Variants in TVP23A observed in about 807,000 individuals in gnomAD.
TVP23A encodes the protein Golgi apparatus membrane protein TVP23 homolog A.
A neutral mutation model predicts 31.7 loss-of-function variants in TVP23A; 21 were observed. That is an observed-to-expected ratio of 0.66 (90% CI 0.47 to 0.95). The LOEUF (loss-of-function observed/expected upper bound fraction) is 0.95. TVP23A is among the 40% of genes least tolerant of loss of function. The pLI is 0.00. For missense variants in TVP23A, 279 were observed against 255.6 expected, an observed-to-expected ratio of 1.09 and a Z score of -0.62; for synonymous variants, 104 against 96.0, an observed-to-expected ratio of 1.08 and a Z score of -0.49.
rs1032764469 is a variant in TVP23A at position 10,768,915 on chromosome 16, G to T, written c.*187C>A. 1.2e-5 allele frequency: 9 copies of T among 747,320 alleles called. No homozygotes were observed. The highest frequency in any genetic ancestry group is 7.1e-5 in the African/African-American group (4 of 56,526). 46.3% of individuals were successfully genotyped at this position (747,320 alleles called of 1,614,324 possible). ...ACTTTCAAAGACTCAGGGCATCACA[G>T]ACACAGGTCTTTTTATGGAACTAGC... On this transcript the variant is annotated 3_prime_UTR_variant, in exon 8 of 8. Coordinates refer to ENST00000299866, the MANE Select transcript of TVP23A (RefSeq NM_001079512.4). The surrounding 1 kb of genome is among the most constrained non-coding windows in gnomAD (Gnocchi z 4.3).
At chr16:10,813,882 C>G (rs575292427) in intron 2 of TVP23A, among the ~76,000 whole-genome samples, 9 of 151,812 alleles carry the variant, frequency 5.9e-5, no homozygotes, top group African/African-American at 1.9e-4. Flanking sequence ...ACCTGTAATC[C>G]CAGCTACTCA....
intron 2 of TVP23A, among the ~76,000 whole-genome samples, chr16:10,789,924 G>A (rs527860233): frequency 1.5e-3 from 222 of 152,176 alleles, no homozygotes; most frequent in African/African-American, 4.9e-3. Context: ...TGGTTGGTAG[G>A]GACCTTCTAG....
downstream of TVP23A, chr16:10,766,266 G>C (rs1696414925): frequency 6.6e-6 from 1 of 152,498 alleles, no homozygotes; most frequent in Non-Finnish European, 1.5e-5. The surrounding 1 kb of genome is among the most constrained non-coding windows in gnomAD (Gnocchi z 4.8). Context: ...GTAAAATGCA[G>C]GTGACAGTGG....
rs561643087 is a variant in TVP23A at position 10,789,877 on chromosome 16, A to G, written c.90-14781T>C. Among the ~76,000 whole-genome samples the G allele has an allele frequency of 9.9e-4, 150 of 151,904 alleles. 1 individual carries two copies. Among genetic ancestry groups the G allele is most frequent in the African/African-American group, 3.4e-3 (139 of 41,420 alleles). On this transcript the variant is annotated intron_variant, in intron 2 of 7. Coordinates refer to ENST00000299866, the MANE Select transcript of TVP23A (RefSeq NM_001079512.4). ...AATGTTACATTTGTTTGTTTCAGAA[A>G]GGCGGGACAACTCAAAGAGGGGCAG... is the stretch of plus-strand genomic sequence containing the variant.
intron 2 of TVP23A, among the ~76,000 whole-genome samples, chr16:10,807,894 T>G (rs1382852508): frequency 6.6e-6 from 1 of 152,166 alleles, no homozygotes; most frequent in Non-Finnish European, 1.5e-5. Flanking sequence ...TTTTTTCTTT[T>G]TAGAGGTGGG....
intron 6 of TVP23A, among the ~76,000 whole-genome samples, chr16:10,770,730 GC>G (rs2031534383): frequency 6.6e-6 from 1 of 151,698 alleles, no homozygotes; most frequent in Non-Finnish European, 1.5e-5. Flanking sequence ...AATTAGCCAG[GC>G]ATGGTGTTAT....
At position 10,767,168 on chromosome 16, in the gene TVP23A, AG is replaced by A. The variant is rs2031007329; in HGVS notation, c.*1933del. 2 of 399,452 alleles carry A rather than the reference AG, an allele frequency of 5.0e-6. No homozygotes were observed. The highest frequency in any genetic ancestry group is 8.8e-6 in the Non-Finnish European group (2 of 226,754). The allele number at this position is 399,452 out of a possible 1,614,324, so 24.7% of individuals were successfully genotyped here. ...AGCAGCTCAGGCCTGGGGAGTGGGC[AG>A]AGCAAGCTGATGGCAGGTCCACCCA... On this transcript the variant is annotated 3_prime_UTR_variant, in exon 8 of 8. Transcript: ENST00000299866. This position sits in a 1 kb window ranked among gnomAD's most constrained non-coding sequence, Gnocchi z 4.6.
At chr16:10,798,150 C>CA (rs1555484853) in intron 2 of TVP23A, among the ~76,000 whole-genome samples, 1 of 151,228 alleles carries the variant, frequency 6.6e-6, no homozygotes, top group Non-Finnish European at 1.5e-5. Context: ...TTAGTAGAGA[C>CA]GGGTTTCACC....
intron 2 of TVP23A, among the ~76,000 whole-genome samples, chr16:10,788,146 G>A (rs981123731): frequency 3.3e-5 from 5 of 152,154 alleles, no homozygotes; most frequent in African/African-American, 1.2e-4. Context: ...ACTCAAACAG[G>A]GAGGGCGCTT....
chr16:10,771,375 T>C (rs1383068122), intron 6 of TVP23A, among the ~76,000 whole-genome samples: 2 of 150,342 alleles, frequency 1.3e-5, no homozygotes, highest in South Asian at 2.1e-4. Flanking sequence ...ACTTCGTCTC[T>C]ACAAAAAAAA....
chr16:10,814,924 T>C (rs1481326069), intron 2 of TVP23A, among the ~76,000 whole-genome samples: 1 of 152,142 alleles, frequency 6.6e-6, no homozygotes, highest in Admixed American at 6.5e-5. Flanking sequence ...CACCTGGGTC[T>C]TGAGCCACAT....
intron 6 of TVP23A, among the ~76,000 whole-genome samples, chr16:10,771,172 T>A (rs1021698226): frequency 6.6e-6 from 1 of 152,158 alleles, no homozygotes; most frequent in Non-Finnish European, 1.5e-5. Context: ...ATAAAGTGGT[T>A]ATACTTAATG....
At chr16:10,809,966 A>G (rs1426268350) in intron 2 of TVP23A, among the ~76,000 whole-genome samples, 1 of 152,218 alleles carries the variant, frequency 6.6e-6, no homozygotes, top group Non-Finnish European at 1.5e-5. Flanking sequence ...TAACAACACA[A>G]AAGCAGAAAC....
In TVP23A at chr16:10,784,896, T is replaced by C. The variant is rs1247649462; in HGVS notation, c.90-9800A>G. ...CAAGTGGATCACCTGAGGTCAGGAA[T>C]TCAAGACCAGCCTGACCAACATGGT... On this transcript the variant is annotated intron_variant, in intron 2 of 7. Coordinates refer to ENST00000299866, the MANE Select transcript of TVP23A (RefSeq NM_001079512.4). 6.3e-5 allele frequency among the ~76,000 whole-genome samples: 9 copies of C among 142,018 alleles called. No homozygotes were observed. The East Asian group carries it at 6.5e-4, about 10-fold the overall frequency. 93.2% of individuals were successfully genotyped at this position (142,018 alleles called of 152,430 possible).
chr16:10,759,683 G>A (rs1900806894), downstream of TVP23A, among the ~76,000 whole-genome samples: 1 of 152,192 alleles, frequency 6.6e-6, no homozygotes, highest in Admixed American at 6.5e-5. The surrounding 1 kb of genome is among the most constrained non-coding windows in gnomAD (Gnocchi z 4.7). Context: ...GGCTGAGGTG[G>A]GAGAAGTGCT....
At chr16:10,802,952 G>T (rs1402713122) in intron 2 of TVP23A, among the ~76,000 whole-genome samples, 1 of 152,142 alleles carries the variant, frequency 6.6e-6, no homozygotes, top group Non-Finnish European at 1.5e-5. Flanking sequence ...GTTTTTAATT[G>T]ATTTTCAACA....
chr16:10,802,241 CGTGTGTGT>C (rs61036988), intron 2 of TVP23A, among the ~76,000 whole-genome samples: 2,532 of 130,386 alleles, frequency 0.019, 41 homozygotes, highest in South Asian at 0.06. Flanking sequence ...TTATATGATA[CGTGTGTGT>C]GTGTGTGTGT....
rs2033702573 is a variant in TVP23A, at chr16:10,801,723, T to G, written c.89+16380A>C. 2.6e-5 allele frequency among the ~76,000 whole-genome samples: 4 copies of G among 152,150 alleles called. No homozygotes were observed. The South Asian group carries it at 8.3e-4, about 32-fold the overall frequency. ...CTCCCGTCTCAGCCTCCCAAAAGAT[T>G]ACAGGCATGAGCCACCGCCCAGCCT... On this transcript the variant is annotated intron_variant, in intron 2 of 7. Transcript: ENST00000299866.
Position 10,767,976 on chromosome 16 carries a change from T to C in TVP23A, c.*1126A>G. 6.2e-7 allele frequency: 1 copy of C among 1,614,190 alleles called. No individual in the cohort carries two copies. Among genetic ancestry groups the C allele is most frequent in the East Asian group, 2.2e-5 (1 of 44,886 alleles). ...AAGAATTGTGACAAAGGCCAGTCTTTTTTCATTGACGCCCCAGATTCCCCA... is the reference window on the plus strand; with the variant it reads ...AAGAATTGTGACAAAGGCCAGTCTTCTTTCATTGACGCCCCAGATTCCCCA... On this transcript the variant is annotated 3_prime_UTR_variant, in exon 8 of 8. Coordinates refer to ENST00000299866, the MANE Select transcript of TVP23A (RefSeq NM_001079512.4). The surrounding 1 kb of genome is among the most constrained non-coding windows in gnomAD (Gnocchi z 4.6).
Sources: gnomAD v4.1 joint callset for allele counts (sites outside exome capture counted in the v4.1 genomes callset) on GRCh38, gnomAD v4.1.1 for gene constraint, Gnocchi (gnomAD v3.1) non-coding constraint, MANE v1.5 for transcripts, NCBI Gene and HGNC (gene_info 2026-07-23, HGNC 2026-07-21) for gene names.